The following CACNB2 variants were observed in gnomAD, a reference collection of about 807,000 sequenced individuals.
CACNB2 encodes the protein calcium voltage-gated channel auxiliary subunit beta 2.
Under a neutral mutation model 73.3 loss-of-function variants are expected in CACNB2, and 42 were observed. The ratio of observed to expected loss-of-function variants is 0.57; its 90% confidence interval spans 0.45 to 0.74. The LOEUF (loss-of-function observed/expected upper bound fraction) is 0.74. Ranked by LOEUF, CACNB2 falls within the 30% of genes least tolerant of loss-of-function variation. The pLI is 0.00. For missense variants in CACNB2, 940 were observed against 853.0 expected (o/e 1.10, Z -1.27); for synonymous variants, 348 against 310.3 (o/e 1.12, Z -1.28).
chr10:18,148,956 G>A (rs528522138), intron 1 of CACNB2, among the ~76,000 whole-genome samples: 1 of 147,344 alleles, frequency 6.8e-6, no homozygotes, highest in African/African-American at 2.5e-5. Flanking sequence ...AGTGAGCCAT[G>A]ATCATATCAC....
chr10:18,538,130 G>A (rs202110119), intron 12 of CACNB2, 50 bp from the exon 13 acceptor site: 11 of 1,581,748 alleles, frequency 7.0e-6, no homozygotes, highest in African/African-American at 2.7e-5. Flanking sequence ...GTGGGAAGGG[G>A]GTGAAAACTG....
At chr10:18,527,803 A>G (rs1231546162) in intron 10 of CACNB2, 106 bp downstream of exon 10, 3 of 783,318 alleles carry the variant, frequency 3.8e-6, no homozygotes, top group Non-Finnish European at 6.6e-6. Flanking sequence ...AGTATAGAAA[A>G]AACAGGTGTG....
chr10:18,226,572 C>T (rs749982600), intron 2 of CACNB2, among the ~76,000 whole-genome samples: 52 of 152,168 alleles, frequency 3.4e-4, no homozygotes, highest in Admixed American at 5.9e-4. Context: ...CCTGATCTTC[C>T]TGTTTGTTGC....
chr10:18,458,199 G>A (rs1044838156), intron 3 of CACNB2, among the ~76,000 whole-genome samples: 1 of 152,106 alleles, frequency 6.6e-6, no homozygotes, highest in African/African-American at 2.4e-5. Flanking sequence ...ATCTATTAAG[G>A]TTTTCTGTTG....
intron 2 of CACNB2, among the ~76,000 whole-genome samples, chr10:18,300,020 CT>C (rs113228742): frequency 9.5e-4 from 139 of 146,618 alleles, no homozygotes; most frequent in Non-Finnish European, 7.5e-4. Context: ...TGTTGCATTT[CT>C]TTTTTTTTTT....
chr10:18,183,752 C>T (rs2034007218), intron 2 of CACNB2, among the ~76,000 whole-genome samples: 1 of 152,150 alleles, frequency 6.6e-6, no homozygotes, highest in African/African-American at 2.4e-5. Flanking sequence ...CCGTATCAGC[C>T]ACATATATGG....
At chr10:18,498,500 C>G in intron 4 of CACNB2, 23 bp downstream of exon 4, 1 of 1,612,732 alleles carries the variant, frequency 6.2e-7, no homozygotes, top group Non-Finnish European at 8.5e-7. Context: ...ATTTCATTTT[C>G]TAACAGCATG....
intron 2 of CACNB2, among the ~76,000 whole-genome samples, chr10:18,340,083 G>T (rs1207770847): frequency 6.6e-6 from 1 of 152,060 alleles, no homozygotes; most frequent in Non-Finnish European, 1.5e-5. Context: ...TTCACGTCTT[G>T]TTTTCCATGT....
At chr10:18,416,480 G>A (rs573353625) in intron 3 of CACNB2, among the ~76,000 whole-genome samples, 36 of 152,202 alleles carry the variant, frequency 2.4e-4, no homozygotes, top group Admixed American at 2.0e-4. Flanking sequence ...GCATTGGCAC[G>A]ATCTCAGCTC....
intron 3 of CACNB2, among the ~76,000 whole-genome samples, chr10:18,423,367 C>G (rs914287363): frequency 6.6e-6 from 1 of 152,026 alleles, no homozygotes; most frequent in African/African-American, 2.4e-5. Flanking sequence ...AGTAGGTTAC[C>G]AAGGCATGGG....
In CACNB2 at chr10:18,415,290, T is replaced by A. The variant is rs540045374; in HGVS notation, c.333+13247T>A. Among the ~76,000 whole-genome samples the A allele has an allele frequency of 2.4e-4, 37 of 151,930 alleles. No homozygotes were observed. The South Asian group carries it at 7.7e-3, about 32-fold the overall frequency. On this transcript the variant is annotated intron_variant, in intron 3 of 13. Transcript: ENST00000324631. ...GATCAGCTTGGGCAACACAGTGAGA[T>A]CTCATCTCTACAAAAAATAAGCAAA...
At chr10:18,471,002 CA>C (rs2048159805) in intron 3 of CACNB2, among the ~76,000 whole-genome samples, 1 of 151,946 alleles carries the variant, frequency 6.6e-6, no homozygotes. Flanking sequence ...TCGATGTGGT[CA>C]AATGAAAGGT....
chr10:18,384,119 A>T (rs2043128657), intron 2 of CACNB2, among the ~76,000 whole-genome samples: 1 of 152,160 alleles, frequency 6.6e-6, no homozygotes, highest in South Asian at 2.1e-4. Flanking sequence ...CCAAAGAGGC[A>T]CCGTGTTCCC....
intron 3 of CACNB2, among the ~76,000 whole-genome samples, chr10:18,449,148 G>C (rs188179525): frequency 6.6e-6 from 1 of 152,198 alleles, no homozygotes; most frequent in African/African-American, 2.4e-5. Flanking sequence ...ACTTTGGGGG[G>C]CTGAGGCGGG....
chr10:18,240,420 T>G (rs2036603399), intron 2 of CACNB2, among the ~76,000 whole-genome samples: 1 of 152,174 alleles, frequency 6.6e-6, no homozygotes, highest in African/African-American at 2.4e-5. Context: ...CTAGTCTGGC[T>G]CAACTGTACA....
chr10:18,511,652 T>C (rs989296211), intron 6 of CACNB2, among the ~76,000 whole-genome samples: 1 of 152,224 alleles, frequency 6.6e-6, no homozygotes, highest in Non-Finnish European at 1.5e-5. Context: ...GAGTAAATTT[T>C]TTTTCTTCTC....
At chr10:18,373,228 C>G (rs545719397) in intron 2 of CACNB2, among the ~76,000 whole-genome samples, 1 of 152,226 alleles carries the variant, frequency 6.6e-6, no homozygotes, top group South Asian at 2.1e-4. Flanking sequence ...GAAACTTACC[C>G]CTCTCCTTTC....
intron 3 of CACNB2, among the ~76,000 whole-genome samples, chr10:18,490,197 C>T (rs1054446011): frequency 6.6e-6 from 1 of 152,168 alleles, no homozygotes; most frequent in Non-Finnish European, 1.5e-5. Flanking sequence ...ACATTATTGT[C>T]TAGATAAAGA....
chr10:18,497,725 C>G (rs893040661), intron 3 of CACNB2, among the ~76,000 whole-genome samples: 83 of 152,218 alleles, frequency 5.5e-4, no homozygotes, highest in African/African-American at 1.5e-3. Flanking sequence ...ACTCCTGGCC[C>G]TTTATCTGTA....
Sources: gnomAD v4.1 joint callset for allele counts (sites outside exome capture counted in the v4.1 genomes callset) on GRCh38, gnomAD v4.1.1 for gene constraint, MANE v1.5 for transcripts, NCBI Gene and HGNC (gene_info 2026-07-23, HGNC 2026-07-21) for gene names.